Variants in GADL1 observed in about 807,000 individuals in gnomAD.
GADL1 encodes acidic amino acid decarboxylase GADL1.
Under a neutral mutation model 69.5 loss-of-function variants are expected in GADL1, and 71 were observed. The ratio of observed to expected loss-of-function variants is 1.02; its 90% confidence interval spans 0.84 to 1.25. GADL1 has a LOEUF of 1.25. Among genes scored for constraint, GADL1 ranks in the 50% most tolerant of loss-of-function variants. The pLI, the probability that GADL1 is intolerant of heterozygous loss-of-function variation, is 0.00. For missense variants in GADL1, 737 were observed against 631.8 expected (o/e 1.17, Z -1.79); for synonymous variants, 254 against 214.4 (o/e 1.18, Z -1.62).
intron 11 of GADL1, among the ~76,000 whole-genome samples, chr3:30,833,315 C>G (rs753508268): frequency 6.6e-6 from 1 of 152,082 alleles, no homozygotes; most frequent in Non-Finnish European, 1.5e-5. Flanking sequence ...TCCAACTCTC[C>G]CTAGCATTCC....
rs116393013 is a variant in GADL1 at position 30,813,220 on chromosome 3, C to A, written c.1051-12132G>T. ...TTCATCATATAACATTTTCATTCAT[C>A]TGCAAATTGAGGATAATAATATTGC... is the stretch of plus-strand genomic sequence containing the variant. On this transcript the variant is annotated intron_variant, in intron 11 of 14. Coordinates refer to ENST00000282538, the MANE Select transcript of GADL1 (RefSeq NM_207359.3). Among the ~76,000 whole-genome samples, 1,206 of 152,300 alleles carry A rather than the reference C, an allele frequency of 7.9e-3. 16 individuals carry two copies. Among genetic ancestry groups the A allele is most frequent in the African/African-American group, 0.028 (1,152 of 41,556 alleles).
intron 13 of GADL1, among the ~76,000 whole-genome samples, chr3:30,779,462 A>G (rs1236201046): frequency 6.6e-6 from 1 of 152,218 alleles, no homozygotes; most frequent in Non-Finnish European, 1.5e-5. Context: ...AGTAGTTTAA[A>G]ATGAAACACT....
intron 6 of GADL1, among the ~76,000 whole-genome samples, chr3:30,847,555 A>C (rs1159546197): frequency 6.6e-6 from 1 of 152,212 alleles, no homozygotes; most frequent in African/African-American, 2.4e-5. Context: ...GCAGTCAATA[A>C]AATATGAATT....
At chr3:30,747,457 G>C (rs1293040870) in intron 14 of GADL1, among the ~76,000 whole-genome samples, 2 of 152,194 alleles carry the variant, frequency 1.3e-5, no homozygotes, top group African/African-American at 4.8e-5. Context: ...GAATTGAGTA[G>C]AGTCTGACAC....
intron 11 of GADL1, among the ~76,000 whole-genome samples, chr3:30,817,331 G>C (rs1270931675): frequency 6.6e-6 from 1 of 152,070 alleles, no homozygotes; most frequent in African/African-American, 2.4e-5. Context: ...TCAGATTCTA[G>C]AATATACTTA....
intron 1 of GADL1, among the ~76,000 whole-genome samples, chr3:30,890,294 T>C (rs1198749271): frequency 1.3e-5 from 2 of 152,200 alleles, no homozygotes; most frequent in Non-Finnish European, 2.9e-5. Flanking sequence ...GTTAAATATA[T>C]GTACCTATTA....
chr3:30,755,693 C>T (rs1420788379), intron 14 of GADL1, among the ~76,000 whole-genome samples: 3 of 152,108 alleles, frequency 2.0e-5, no homozygotes, highest in East Asian at 1.9e-4. Flanking sequence ...TCTGGGAGTC[C>T]TCCTTAGAAT....
intron 12 of GADL1, 166 bp downstream of exon 12, chr3:30,800,723 A>G: frequency 3.1e-6 from 2 of 637,370 alleles, no homozygotes. Context: ...GTATTGGATG[A>G]AATAATGCAC....
chr3:30,787,130 C>T (rs777663972), intron 12 of GADL1, among the ~76,000 whole-genome samples: 3 of 151,966 alleles, frequency 2.0e-5, no homozygotes, highest in East Asian at 1.9e-4. Flanking sequence ...TGCAGCCAAC[C>T]GTGGTACATG....
intron 2 of GADL1, 113 bp from the exon 3 acceptor site, chr3:30,857,254 C>G: frequency 1.2e-6 from 1 of 838,212 alleles, no homozygotes; most frequent in South Asian, 1.7e-5. Context: ...GTGATTTAAA[C>G]ATGCAACTAT....
At chr3:30,870,073 A>G (rs1035512324) in intron 1 of GADL1, among the ~76,000 whole-genome samples, 5 of 151,864 alleles carry the variant, frequency 3.3e-5, no homozygotes, top group Non-Finnish European at 7.4e-5. Context: ...CCTATTATGT[A>G]TAGAACTCTG....
chr3:30,792,532 G>T (rs981607801), intron 12 of GADL1, among the ~76,000 whole-genome samples: 8 of 152,110 alleles, frequency 5.3e-5, no homozygotes, highest in African/African-American at 9.7e-5. Flanking sequence ...AACCATAATT[G>T]TACCACTGCA....
At chr3:30,796,895 T>C (rs967511328) in intron 12 of GADL1, among the ~76,000 whole-genome samples, 1 of 152,160 alleles carries the variant, frequency 6.6e-6, no homozygotes, top group African/African-American at 2.4e-5. Flanking sequence ...AATTACTGAC[T>C]TCTAAAAGTC....
chr3:30,792,953 C>T (rs1039422198), intron 12 of GADL1, among the ~76,000 whole-genome samples: 1 of 152,094 alleles, frequency 6.6e-6, no homozygotes, highest in African/African-American at 2.4e-5. Flanking sequence ...GTTCTACAGG[C>T]AAGAGAGAAT....
intron 1 of GADL1, among the ~76,000 whole-genome samples, chr3:30,862,478 C>G (rs1254217859): frequency 5.3e-5 from 8 of 152,006 alleles, no homozygotes. Flanking sequence ...ATTAAGGTAG[C>G]AAGCTTTTAG....
intron 13 of GADL1, among the ~76,000 whole-genome samples, chr3:30,783,836 CT>C (rs1696728773): frequency 6.6e-6 from 1 of 152,110 alleles, no homozygotes; most frequent in Non-Finnish European, 1.5e-5. Flanking sequence ...TTGCAATTTC[CT>C]AATGACGATG....
chr3:30,879,284 TC>T (rs1383310328), intron 1 of GADL1, among the ~76,000 whole-genome samples: 2 of 151,924 alleles, frequency 1.3e-5, no homozygotes, highest in East Asian at 3.9e-4. Context: ...GCCCCATCCT[TC>T]CTTGGCTCCC....
At chr3:30,781,871 G>A (rs1324969402) in intron 13 of GADL1, among the ~76,000 whole-genome samples, 1 of 152,156 alleles carries the variant, frequency 6.6e-6, no homozygotes, top group African/African-American at 2.4e-5. Flanking sequence ...CTTTTAAAGT[G>A]GATGAGTAGC....
At chr3:30,842,179 A>G (rs1305460328) in intron 8 of GADL1, among the ~76,000 whole-genome samples, 1 of 152,204 alleles carries the variant, frequency 6.6e-6, no homozygotes, top group Non-Finnish European at 1.5e-5. Context: ...CAGACAAGTC[A>G]ACTATTTTTT....
Sources: gnomAD v4.1 joint callset for allele counts (sites outside exome capture counted in the v4.1 genomes callset) on GRCh38, gnomAD v4.1.1 for gene constraint, MANE v1.5 for transcripts, NCBI Gene and HGNC (gene_info 2026-07-23, HGNC 2026-07-21) for gene names.